The following STKLD1 variants were observed in gnomAD, a reference collection of about 807,000 sequenced individuals.
STKLD1 encodes serine/threonine kinase-like domain-containing protein STKLD1.
Under a neutral mutation model 80.4 loss-of-function variants are expected in STKLD1, and 79 were observed. That is an observed-to-expected ratio of 0.98 (90% confidence interval 0.82 to 1.19). The LOEUF is 1.19. STKLD1 is among the 50% of genes most tolerant of loss of function. STKLD1 has a pLI of 0.00. For synonymous variants in STKLD1, 393 were observed against 357.6 expected, an observed-to-expected ratio of 1.10 and a Z score of -1.12; for missense variants, 841 against 856.0, an observed-to-expected ratio of 0.98 and a Z score of 0.22.
chr9:133,394,218 C>A lies in STKLD1; in HGVS notation c.584-73C>A. On this transcript the variant is annotated intron_variant, in intron 7 of 17. Coordinates refer to ENST00000371957, the MANE Select transcript of STKLD1 (RefSeq NM_153710.5). This position sits in a 1 kb window ranked among gnomAD's most constrained non-coding sequence, Gnocchi z 4.9. ...CCACCAAAGGGGATACAGTGCTGGG[C>A]AGGGTGACTCTGTCAAGCCCCTGCC... The A allele has an allele frequency of 1.0e-6, 1 of 1,001,968 alleles. No homozygotes were observed. The highest frequency in any genetic ancestry group is 1.6e-6 in the Non-Finnish European group (1 of 623,426). 62.1% of individuals were successfully genotyped at this position (1,001,968 alleles called of 1,614,324 possible). A position where few individuals can be genotyped will look rare whatever the true frequency, so the allele number is the denominator to read the frequency against.
intron 1 of STKLD1, 111 bp downstream of exon 1, chr9:133,376,671 C>T (rs1408922231): frequency 5.4e-6 from 5 of 924,288 alleles, no homozygotes; most frequent in Non-Finnish European, 7.9e-6. Flanking sequence ...GCGCCCTGGC[C>T]AGTGTCGGCC....
chr9:133,404,689 G>A (rs1053604444), intron 16 of STKLD1, 100 bp from the exon 17 acceptor site: 1 of 1,502,614 alleles, frequency 6.7e-7, no homozygotes, highest in African/African-American at 1.4e-5. Context: ...TCCTGTCCCA[G>A]GCCCCTGTGT....
Position 133,385,778 on chromosome 9 carries a change from C to G in STKLD1, c.294+87C>G. 8.0e-7 allele frequency: 1 copy of G among 1,252,462 alleles called. No individual in the cohort carries two copies. The highest frequency in any genetic ancestry group is 1.2e-6 in the Non-Finnish European group (1 of 866,992). 77.6% of individuals were successfully genotyped at this position (1,252,462 alleles called of 1,614,324 possible). The stretch of plus-strand genomic sequence containing the variant: ...ACTGAGCCCAGAGCACGCCCACCCC[C>G]CACTGTCAGAATAGCTCGTGTGGCA... On this transcript the variant is annotated intron_variant, in intron 4 of 17. Coordinates refer to ENST00000371957, the MANE Select transcript of STKLD1 (RefSeq NM_153710.5). This position sits in a 1 kb window ranked among gnomAD's most constrained non-coding sequence, Gnocchi z 4.9.
In STKLD1 at chr9:133,385,582, C is replaced by G. The variant is rs2130274798; in HGVS notation, c.220-35C>G. ...GAGCTGAGAAAGGCGTGGAGAGGCA[C>G]TGACTTCTCCGTTTCCTCTGCTCTA... is the stretch of plus-strand genomic sequence containing the variant. On this transcript the variant is annotated intron_variant, in intron 3 of 17. Coordinates refer to ENST00000371957, the MANE Select transcript of STKLD1 (RefSeq NM_153710.5). This position sits in a 1 kb window ranked among gnomAD's most constrained non-coding sequence, Gnocchi z 4.9. The G allele has an allele frequency of 1.2e-6, 2 of 1,604,832 alleles. No homozygotes were observed. Among genetic ancestry groups the G allele is most frequent in the Non-Finnish European group, 1.7e-6 (2 of 1,172,742 alleles).
rs782516177 is a variant in STKLD1 at position 133,402,867 on chromosome 9, C to T, written c.1340-11C>T. The stretch of plus-strand genomic sequence containing the variant: ...AGGGGCCCTGGGGCCCTCATTCTGG[C>T]TCACCCACAGAGTCAGAGTCACTGT... On this transcript the variant is annotated splice_polypyrimidine_tract_variant and intron_variant, in intron 13 of 17. Transcript: ENST00000371957. 1 of 1,594,464 alleles carries T rather than the reference C, an allele frequency of 6.3e-7. No homozygotes were observed. Among genetic ancestry groups the T allele is most frequent in the Non-Finnish European group, 8.5e-7 (1 of 1,170,388 alleles).
At chr9:133,399,613 T>A (rs1205320564) in intron 11 of STKLD1, among the ~76,000 whole-genome samples, 1 of 152,240 alleles carries the variant, frequency 6.6e-6, no homozygotes, top group Non-Finnish European at 1.5e-5. Context: ...CAGTGGCTCA[T>A]GCCTGTAATC....
At chr9:133,397,557 G>A (rs587601047) in intron 10 of STKLD1, among the ~76,000 whole-genome samples, 12 of 152,012 alleles carry the variant, frequency 7.9e-5, no homozygotes, top group African/African-American at 2.9e-4. Flanking sequence ...TTTTCCCTCC[G>A]CTCCTGCTAC....
chr9:133,388,816 G>A (rs200459092), intron 5 of STKLD1: 14 of 985,246 alleles, frequency 1.4e-5, no homozygotes, highest in African/African-American at 8.7e-5. Context: ...GGGGCTCTTC[G>A]GGGCACACAG....
At position 133,397,175 on chromosome 9, in the gene STKLD1, A is replaced by G; in HGVS notation, c.878A>G (p.His293Arg). Reference protein sequence around the residue: ...SDRITIKDVVHITFLRGSFKS... With the variant: ...SDRITIKDVVRITFLRGSFKS... ...TGCTCCTCTGCTAGGGACGTGGTGC[A>G]CATCACCTTCTTGAGAGGCTCCTTC... Residue 293 changes from histidine to arginine, a missense_variant, in exon 10 of 18, where the codon CAC (histidine) becomes CGC (arginine). Physicochemically the swap from His to Arg is conservative, Grantham distance 29. Transcript: ENST00000371957. 1.2e-6 allele frequency: 2 copies of G among 1,613,894 alleles called. No individual in the cohort carries two copies. The highest frequency in any genetic ancestry group is 1.7e-6 in the Non-Finnish European group (2 of 1,180,012).
At chr9:133,402,259 G>T (rs1838726882) in intron 13 of STKLD1, among the ~76,000 whole-genome samples, 1 of 152,154 alleles carries the variant, frequency 6.6e-6, no homozygotes, top group Non-Finnish European at 1.5e-5. Flanking sequence ...AGGACTGTGG[G>T]AAGGAGAGGG....
At chr9:133,397,650 G>A (rs1838596342) in intron 10 of STKLD1, among the ~76,000 whole-genome samples, 1 of 152,180 alleles carries the variant, frequency 6.6e-6, no homozygotes, top group African/African-American at 2.4e-5. Context: ...AGCCTGGGTG[G>A]CACACAGTGG....
intron 2 of STKLD1, among the ~76,000 whole-genome samples, 163 bp downstream of exon 2, chr9:133,379,285 C>T (rs2130260355): frequency 6.6e-6 from 1 of 152,114 alleles, no homozygotes; most frequent in African/African-American, 2.4e-5. Context: ...TGTGGGGGTG[C>T]GTGAAGCTCT....
chr9:133,390,679 A>C lies in STKLD1; in HGVS notation c.468-2A>C. ...AGAGGCAAACCCACCTCTTGGTTTC[A>C]GGAATCTCAAACCCTCCAACATCAT... On this transcript the variant is annotated splice_acceptor_variant, in intron 6 of 17. Transcript: ENST00000371957. LOFTEE classifies it high-confidence loss of function. The surrounding 1 kb of genome is among the most constrained non-coding windows in gnomAD (Gnocchi z 5.1). The C allele has an allele frequency of 6.2e-7, 1 of 1,612,790 alleles. No homozygotes were observed. The highest frequency in any genetic ancestry group is 8.5e-7 in the Non-Finnish European group (1 of 1,179,380).
At chr9:133,404,100 A>G in intron 16 of STKLD1, 52 bp downstream of exon 16, 7 of 1,503,798 alleles carry the variant, frequency 4.7e-6, no homozygotes, top group Non-Finnish European at 6.2e-6. Flanking sequence ...GGCAAGAATC[A>G]GCCCCCATCA....
intron 2 of STKLD1, among the ~76,000 whole-genome samples, chr9:133,382,550 G>GTGA (rs1471309868): frequency 6.8e-6 from 1 of 147,914 alleles, no homozygotes; most frequent in Non-Finnish European, 1.5e-5. Context: ...GGTGATGGTG[G>GTGA]TGATGGTGTG....
rs377104645 is a variant in STKLD1 at position 133,395,600 on chromosome 9, G to A, written c.703G>A (p.Gly235Ser). ...ACAGAGCTGTCCTCTCTCCGTGCAG[G>A]GCACAGAAGCCATGCATCTGCGGAA... ...LDMTSCSFMD[G>S]TEAMHLRKSL... Residue 235 changes from glycine to serine, a missense_variant and splice_region_variant, in exon 9 of 18, where the codon GGC (glycine) becomes AGC (serine). Physicochemically the swap from Gly to Ser is moderately conservative, Grantham distance 56. Transcript: ENST00000371957. 2.7e-5 allele frequency: 43 copies of A among 1,612,622 alleles called. No individual in the cohort carries two copies. Among genetic ancestry groups the A allele is most frequent in the Non-Finnish European group, 3.4e-5 (40 of 1,179,928 alleles).
chr9:133,393,959 A>C, intron 7 of STKLD1: 1 of 279,580 alleles, frequency 3.6e-6, no homozygotes, highest in Non-Finnish European at 6.8e-6. Flanking sequence ...AGAGGGGTGC[A>C]CAGTTTCTTG....
At chr9:133,392,032 A>G (rs1456201954) in intron 7 of STKLD1, among the ~76,000 whole-genome samples, 1 of 147,926 alleles carries the variant, frequency 6.8e-6, no homozygotes, top group Non-Finnish European at 1.5e-5. Context: ...ACAGAGGAGG[A>G]GTCCAGAGTC....
chr9:133,397,080 GGAGCCA>G, intron 9 of STKLD1, 78 bp from the exon 10 acceptor site: 1 of 1,585,320 alleles, frequency 6.3e-7, no homozygotes, highest in Non-Finnish European at 8.6e-7. Context: ...TGGGCAGCCC[GGAGCCA>G]GAGGCAGAGG....
Sources: allele counts gnomAD v4.1 joint callset (sites outside exome capture counted in the v4.1 genomes callset), GRCh38; gene constraint gnomAD v4.1.1; non-coding constraint Gnocchi (gnomAD v3.1); transcripts MANE v1.5; gene names NCBI Gene and HGNC (gene_info 2026-07-23, HGNC 2026-07-21).